Variants in DMD observed in about 807,000 individuals in gnomAD.
The protein encoded by DMD is dystrophin.
DMD carries 63 observed loss-of-function variants against 330.1 expected under a neutral mutation model. The observed-to-expected ratio is 0.19, with a 90% CI of 0.16 to 0.24. The LOEUF is 0.24. DMD is among the 10% of genes least tolerant of loss of function. DMD has a pLI of 1.00. For synonymous variants in DMD, 1,223 were observed against 959.8 expected (o/e 1.27, Z -5.07); for missense variants, 3,344 against 2,684.1 (o/e 1.25, Z -5.43).
At chrX:31,219,550 G>C (rs1374573501) in intron 64 of DMD, among the ~76,000 whole-genome samples, 2 of 110,398 alleles carry the variant, frequency 1.8e-5, no homozygotes, top group Non-Finnish European at 3.8e-5. Context: ...TGGTTTCTTA[G>C]TTACCTGGAC....
chrX:31,445,963 G>A (rs571703191), intron 59 of DMD, among the ~76,000 whole-genome samples: 144 of 112,110 alleles, frequency 1.3e-3, no homozygotes, highest in Middle Eastern at 9.1e-3. Context: ...AGCACCACTT[G>A]ACTATACGTG....
intron 43 of DMD, among the ~76,000 whole-genome samples, chrX:32,229,672 G>A (rs1230657705): frequency 1.5e-5 from 1 of 64,868 alleles, no homozygotes; most frequent in Non-Finnish European, 2.8e-5. Context: ...ATATCTCAAA[G>A]AGTTTCATCA....
chrX:32,545,497 C>A (rs766811581), intron 16 of DMD, among the ~76,000 whole-genome samples, 163 bp from the exon 17 acceptor site: 13 of 111,969 alleles, frequency 1.2e-4, no homozygotes, highest in Non-Finnish European at 2.1e-4. Context: ...ATTGTTTTAT[C>A]TGACTTAAGT....
At chrX:32,840,295 T>C (rs931798351) in intron 4 of DMD, among the ~76,000 whole-genome samples, 1 of 112,100 alleles carries the variant, frequency 8.9e-6, no homozygotes, top group East Asian at 2.8e-4. Context: ...TGGCCTTCCC[T>C]GAAGAGATTC....
intron 76 of DMD, among the ~76,000 whole-genome samples, chrX:31,143,601 A>C (rs1489387533): frequency 4.5e-5 from 5 of 112,287 alleles, no homozygotes; most frequent in Non-Finnish European, 3.8e-5. Flanking sequence ...CCAGCAAGTT[A>C]TCTCTTAGCT....
At chrX:32,565,497 C>A (rs1005723353) in intron 16 of DMD, among the ~76,000 whole-genome samples, 1 of 111,489 alleles carries the variant, frequency 9.0e-6, no homozygotes, top group African/African-American at 3.3e-5. Flanking sequence ...CACTCTAGGG[C>A]AGTAACAAGT....
intron 60 of DMD, among the ~76,000 whole-genome samples, chrX:31,395,096 T>A (rs2148813156): frequency 9.1e-6 from 1 of 110,313 alleles, no homozygotes; most frequent in African/African-American, 3.3e-5. Context: ...GTGACTCTAG[T>A]AGAGCTGCCA....
chrX:32,647,738 A>G (rs1168508703), intron 9 of DMD, among the ~76,000 whole-genome samples: 1 of 112,039 alleles, frequency 8.9e-6, no homozygotes, highest in African/African-American at 3.2e-5. Flanking sequence ...TTGTATAACA[A>G]CTAAATAAAG....
chrX:32,775,835 G>A (rs1168302650), intron 7 of DMD, among the ~76,000 whole-genome samples: 1 of 112,970 alleles, frequency 8.9e-6, no homozygotes, highest in Non-Finnish European at 1.9e-5. Context: ...CAGCAGGCTT[G>A]ACTTACTCCC....
intron 12 of DMD, among the ~76,000 whole-genome samples, chrX:32,606,742 TAC>T (rs746453347): frequency 0.15 from 7,571 of 50,175 alleles, 291 homozygotes; most frequent in Non-Finnish European, 0.22. Context: ...TATATATATA[TAC>T]ACACACACAT....
intron 41 of DMD, among the ~76,000 whole-genome samples, chrX:32,320,009 C>A (rs960841571): frequency 1.8e-5 from 2 of 110,436 alleles, no homozygotes; most frequent in African/African-American, 6.6e-5. Context: ...CCTCCCTCCA[C>A]CTCACACACA....
At chrX:31,324,594 AAC>A (rs2056647506) in intron 61 of DMD, among the ~76,000 whole-genome samples, 1 of 111,460 alleles carries the variant, frequency 9.0e-6, no homozygotes, top group South Asian at 3.8e-4. Context: ...AGCTTTAAGA[AAC>A]ACAGAATATT....
intron 2 of DMD, among the ~76,000 whole-genome samples, chrX:33,002,124 C>A (rs1458497059): frequency 9.0e-6 from 1 of 110,666 alleles, no homozygotes; most frequent in African/African-American, 3.3e-5. Flanking sequence ...CATAGTTGAT[C>A]CCAGCACCTA....
At chrX:32,104,358 A>G (rs925393421) in intron 44 of DMD, among the ~76,000 whole-genome samples, 56 of 111,796 alleles carry the variant, frequency 5.0e-4, no homozygotes, top group African/African-American at 1.8e-3. Context: ...GCTTAGAAAT[A>G]AAAGTAAAAA....
At chrX:32,966,442 A>C (rs920859553) in intron 2 of DMD, among the ~76,000 whole-genome samples, 1 of 111,746 alleles carries the variant, frequency 8.9e-6, no homozygotes, top group Non-Finnish European at 1.9e-5. Context: ...TTTTCATGTC[A>C]AATGTGTGCC....
intron 7 of DMD, among the ~76,000 whole-genome samples, chrX:32,731,676 C>T (rs1459979760): frequency 8.9e-6 from 1 of 111,876 alleles, no homozygotes; most frequent in African/African-American, 3.3e-5. Flanking sequence ...CGGCAGGGTA[C>T]TCCAACAGAC....
At chrX:32,982,994 G>A (rs756316459) in intron 2 of DMD, among the ~76,000 whole-genome samples, 5 of 112,036 alleles carry the variant, frequency 4.5e-5, no homozygotes, top group Non-Finnish European at 7.5e-5. Context: ...AAACTTTGGA[G>A]AAATTGTAGT....
intron 44 of DMD, among the ~76,000 whole-genome samples, chrX:32,108,140 A>G (rs1435763826): frequency 8.9e-6 from 1 of 111,753 alleles, no homozygotes; most frequent in Non-Finnish European, 1.9e-5. Context: ...GGTCCAAGCA[A>G]GATGACAGCC....
intron 16 of DMD, among the ~76,000 whole-genome samples, chrX:32,561,024 A>G (rs1416032959): frequency 9.0e-6 from 1 of 111,685 alleles, no homozygotes; most frequent in Non-Finnish European, 1.9e-5. Flanking sequence ...TCCACAATGG[A>G]TAAACTAATT....
Sources: gnomAD v4.1 joint callset for allele counts (sites outside exome capture counted in the v4.1 genomes callset) on GRCh38, gnomAD v4.1.1 for gene constraint, MANE v1.5 for transcripts, NCBI Gene and HGNC (gene_info 2026-07-23, HGNC 2026-07-21) for gene names.